Variants in DOCK4 observed in about 807,000 individuals in gnomAD.
DOCK4 encodes the protein dedicator of cytokinesis 4.
In DOCK4, 97 loss-of-function variants were observed where a neutral mutation model predicts 268.1. That is an observed-to-expected ratio of 0.36 (90% CI 0.31 to 0.43). DOCK4 has a LOEUF of 0.43. Among genes scored for constraint, DOCK4 ranks in the 20% least tolerant of loss-of-function variants. The probability of loss-of-function intolerance (pLI) is 1.00; values close to 1 mark genes in which losing one functional copy is unlikely to be tolerated. For synonymous variants in DOCK4, 954 were observed against 887.2 expected (o/e 1.08, Z -1.34); for missense variants, 2,145 against 2,455.7 (o/e 0.87, Z 2.67).
chr7:111,859,264 T>C (rs534193531), intron 23 of DOCK4, among the ~76,000 whole-genome samples: 20 of 152,302 alleles, frequency 1.3e-4, no homozygotes, highest in Admixed American at 1.2e-3. Context: ...TTCCACCCTG[T>C]GGACCAGTAG....
intron 23 of DOCK4, among the ~76,000 whole-genome samples, chr7:111,859,430 T>TA (rs1381953841): frequency 1.3e-5 from 2 of 152,164 alleles, no homozygotes; most frequent in Non-Finnish European, 2.9e-5. Flanking sequence ...AATTTTTTTT[T>TA]ACCCATCCCT....
intron 1 of DOCK4, among the ~76,000 whole-genome samples, chr7:112,023,961 T>C (rs906085898): frequency 2.6e-5 from 4 of 152,268 alleles, no homozygotes; most frequent in Admixed American, 1.3e-4. Context: ...ATGTCTCTTT[T>C]CCTTATCAGT....
chr7:112,137,030 T>C (rs1814420517), intron 1 of DOCK4, among the ~76,000 whole-genome samples: 2 of 151,810 alleles, frequency 1.3e-5, no homozygotes, highest in Non-Finnish European at 2.9e-5. Context: ...GAGGAAAAAA[T>C]GGGAAACTAC....
At chr7:111,839,478 T>A (rs1315595375) in intron 25 of DOCK4, among the ~76,000 whole-genome samples, 2 of 152,196 alleles carry the variant, frequency 1.3e-5, no homozygotes, top group Admixed American at 1.3e-4. Context: ...GCAAATTTAG[T>A]AGTAACAAGA....
intron 1 of DOCK4, among the ~76,000 whole-genome samples, chr7:112,173,277 A>C (rs1390283408): frequency 6.6e-6 from 1 of 152,206 alleles, no homozygotes; most frequent in Non-Finnish European, 1.5e-5. Flanking sequence ...ATGACTCCCC[A>C]ACCCCTCCCC....
At chr7:111,779,076 TA>T (rs531970629) in intron 35 of DOCK4, among the ~76,000 whole-genome samples, 2,814 of 136,604 alleles carry the variant, frequency 0.021, 91 homozygotes, top group African/African-American at 0.066. Flanking sequence ...TAAAAATCTC[TA>T]AAAAAAAAAA....
intron 1 of DOCK4, among the ~76,000 whole-genome samples, chr7:112,153,503 T>A (rs908039098): frequency 2.0e-5 from 3 of 152,204 alleles, no homozygotes; most frequent in Non-Finnish European, 4.4e-5. Context: ...ACAAATATAA[T>A]AATTATCTGA....
At chr7:111,731,949 A>G (rs1795118410) in intron 52 of DOCK4, among the ~76,000 whole-genome samples, 2 of 152,128 alleles carry the variant, frequency 1.3e-5, no homozygotes, top group South Asian at 4.1e-4. Flanking sequence ...TCCTTTCCTA[A>G]TTCAGTATAT....
chr7:111,916,393 A>G (rs1490976547), intron 12 of DOCK4, among the ~76,000 whole-genome samples: 1 of 152,222 alleles, frequency 6.6e-6, no homozygotes, highest in Admixed American at 6.5e-5. Flanking sequence ...GGATATTGAT[A>G]GAGATTTTCT....
At chr7:112,117,527 C>T (rs1167147839) in intron 1 of DOCK4, among the ~76,000 whole-genome samples, 15 of 152,212 alleles carry the variant, frequency 9.9e-5, no homozygotes, top group Middle Eastern at 3.4e-3. Context: ...CCAGCCACCA[C>T]GCCTGGCTAA....
intron 41 of DOCK4, among the ~76,000 whole-genome samples, chr7:111,757,888 T>C (rs1797135603): frequency 6.6e-6 from 1 of 151,708 alleles, no homozygotes; most frequent in Admixed American, 6.6e-5. Flanking sequence ...AAATACTAAC[T>C]GGGGGGGGTG....
intron 23 of DOCK4, among the ~76,000 whole-genome samples, chr7:111,857,737 G>A (rs1468485625): frequency 6.6e-5 from 10 of 152,064 alleles, no homozygotes; most frequent in Admixed American, 5.9e-4. Context: ...CTGACCTCTC[G>A]CTATCACGCC....
At chr7:111,991,960 CCAAAAAAAAAA>C (rs1415382834) in intron 5 of DOCK4, among the ~76,000 whole-genome samples, 1 of 44,920 alleles carries the variant, frequency 2.2e-5, no homozygotes, top group Non-Finnish European at 3.4e-5. Context: ...GACTCTGTCT[CCAAAAAAAAAA>C]AAAAAAAAAA....
intron 10 of DOCK4, among the ~76,000 whole-genome samples, chr7:111,942,124 A>G (rs1366921691): frequency 3.9e-5 from 6 of 152,210 alleles, no homozygotes; most frequent in Non-Finnish European, 5.9e-5. Flanking sequence ...AGTAGGAAGG[A>G]AGGTAGTGGG....
chr7:112,148,105 T>A (rs1035119899), intron 1 of DOCK4, among the ~76,000 whole-genome samples: 10 of 152,114 alleles, frequency 6.6e-5, no homozygotes, highest in African/African-American at 2.4e-4. Context: ...CCATTGGAAG[T>A]CTGTGTAGAC....
intron 23 of DOCK4, among the ~76,000 whole-genome samples, chr7:111,857,870 T>C (rs551171999): frequency 1.3e-5 from 2 of 152,238 alleles, no homozygotes; most frequent in East Asian, 1.9e-4. Context: ...CTTCTATTCA[T>C]GGCCTTCAGC....
Position 111,863,429 on chromosome 7 carries a change from C to G in DOCK4, c.2416G>C (p.Ala806Pro), listed in dbSNP as rs1307347464. 1 of 1,613,994 alleles carries G rather than the reference C, an allele frequency of 6.2e-7. No homozygotes were observed. Among genetic ancestry groups the G allele is most frequent in the Admixed American group, 1.7e-5 (1 of 60,024 alleles). Residue 806 changes from alanine (A) to proline (P), a missense_variant, in exon 23 of 53, where the codon GCC (alanine) becomes CCC (proline). Physicochemically the swap from Ala to Pro is conservative, Grantham distance 27. Transcript: ENST00000428084. ...TTGCCAATGCACTGCAGTTTGATGG[C>G]CTGCAGGGAATCATCCACATGCAGG... ...TILHVDDSLQ[A>P]IKLQCIGKTV... is the part of the protein sequence containing the mutation.
At chr7:112,090,508 G>T (rs1004750396) in intron 1 of DOCK4, among the ~76,000 whole-genome samples, 2 of 152,124 alleles carry the variant, frequency 1.3e-5, no homozygotes, top group Admixed American at 6.6e-5. Context: ...CTAGTCATCT[G>T]CATATGTAAG....
chr7:112,052,483 T>C (rs1805455613), intron 1 of DOCK4, among the ~76,000 whole-genome samples: 1 of 152,164 alleles, frequency 6.6e-6, no homozygotes, highest in South Asian at 2.1e-4. Context: ...GGGCATATAA[T>C]GTATTACAGA....
Sources: allele counts gnomAD v4.1 joint callset (sites outside exome capture counted in the v4.1 genomes callset), GRCh38; gene constraint gnomAD v4.1.1; transcripts MANE v1.5; gene names NCBI Gene and HGNC (gene_info 2026-07-23, HGNC 2026-07-21).